Variants in ITPR2 observed in about 807,000 individuals in gnomAD.
The protein encoded by ITPR2 is inositol 1,4,5-trisphosphate-gated calcium channel ITPR2.
A neutral mutation model predicts 317.1 loss-of-function variants in ITPR2; 207 were observed. The ratio of observed to expected loss-of-function variants is 0.65; its 90% CI spans 0.58 to 0.73. The LOEUF is 0.73. Among genes scored for constraint, ITPR2 ranks in the 30% least tolerant of loss-of-function variants. ITPR2 has a pLI of 0.00. For missense variants in ITPR2, 2,613 were observed against 3,284.0 expected, an observed-to-expected ratio of 0.80 and a Z score of 4.99; for synonymous variants, 1,156 against 1,149.1, an observed-to-expected ratio of 1.01 and a Z score of -0.12.
At chr12:26,342,695 C>T (rs1317150089) in intron 55 of ITPR2, among the ~76,000 whole-genome samples, 1 of 152,076 alleles carries the variant, frequency 6.6e-6, no homozygotes, top group Admixed American at 6.5e-5. Flanking sequence ...CCACAACCTC[C>T]GCCCCCTGGA....
chr12:26,670,195 T>C (rs947166958), intron 13 of ITPR2, among the ~76,000 whole-genome samples: 1 of 152,102 alleles, frequency 6.6e-6, no homozygotes, highest in Non-Finnish European at 1.5e-5. Flanking sequence ...GAAGAGAGCA[T>C]TGGTTCTCCC....
intron 10 of ITPR2, among the ~76,000 whole-genome samples, chr12:26,692,171 TCC>T (rs1948253447): frequency 6.6e-6 from 1 of 152,142 alleles, no homozygotes; most frequent in African/African-American, 2.4e-5. Flanking sequence ...TCCACAAAGT[TCC>T]CTGGTTCCTG....
intron 55 of ITPR2, among the ~76,000 whole-genome samples, chr12:26,344,962 CTG>C (rs1938256567): frequency 6.6e-6 from 1 of 152,042 alleles, no homozygotes; most frequent in Non-Finnish European, 1.5e-5. Context: ...TTGTATCTGT[CTG>C]TGTTTTGGTT....
intron 26 of ITPR2, among the ~76,000 whole-genome samples, chr12:26,618,671 A>T (rs991676409): frequency 2.6e-5 from 4 of 152,216 alleles, no homozygotes; most frequent in Non-Finnish European, 1.5e-5. Flanking sequence ...TCTCCCAAAC[A>T]TGTGCACCAG....
chr12:26,722,418 T>C lies in ITPR2; in HGVS notation c.504A>G (p.Lys168=). 6.2e-7 allele frequency: 1 copy of C among 1,611,130 alleles called. No homozygotes were observed. Among genetic ancestry groups the C allele is most frequent in the Non-Finnish European group, 8.5e-7 (1 of 1,178,446 alleles). Residue 168 remains lysine, a synonymous_variant, in exon 5 of 57, where the codon AAA becomes AAG. Coordinates refer to ENST00000381340, the MANE Select transcript of ITPR2 (RefSeq NM_002223.4). ...GSWFYIHPFW[K]LRSEGDNIVV... is the part of the protein sequence containing the mutation. ...ATACATTGTCACCCTCGCTTCTCAG[T>C]TTCCAGAACGGATGAATATAAAACC...
At position 26,638,536 on chromosome 12, in the gene ITPR2, T is replaced by C. The variant is rs375338307; in HGVS notation, c.2741-6477A>G. On this transcript the variant is annotated intron_variant, in intron 21 of 56. Transcript: ENST00000381340. ...CTTGATTTCTCACACCACAGACACA[T>C]GTATTGGCTAATGTAGAGTTTCATA... 1.4e-4 allele frequency among the ~76,000 whole-genome samples: 22 copies of C among 152,272 alleles called. No individual in the cohort carries two copies. In the East Asian group the frequency reaches 3.5e-3, roughly 24 times the overall value.
intron 37 of ITPR2, among the ~76,000 whole-genome samples, chr12:26,533,542 C>T (rs1168023024): frequency 6.6e-6 from 1 of 152,148 alleles, no homozygotes; most frequent in Non-Finnish European, 1.5e-5. Flanking sequence ...TAACCTGCAA[C>T]ACCTTAGAAT....
intron 43 of ITPR2, among the ~76,000 whole-genome samples, 155 bp downstream of exon 43, chr12:26,480,975 CA>C (rs1359552921): frequency 6.6e-6 from 1 of 152,226 alleles, no homozygotes; most frequent in African/African-American, 2.4e-5. Flanking sequence ...GCTAACTTCA[CA>C]TTGCATCTGG....
At chr12:26,525,228 T>A (rs909840421) in intron 37 of ITPR2, among the ~76,000 whole-genome samples, 9 of 152,210 alleles carry the variant, frequency 5.9e-5, no homozygotes, top group African/African-American at 2.2e-4. Flanking sequence ...TACTCTAATA[T>A]CCCTGCCAAA....
chr12:26,556,953 C>T (rs1272649736), intron 35 of ITPR2, among the ~76,000 whole-genome samples: 3 of 151,856 alleles, frequency 2.0e-5, no homozygotes, highest in African/African-American at 2.4e-5. Context: ...GTGGCATGCG[C>T]GTGTGGTCCC....
intron 21 of ITPR2, among the ~76,000 whole-genome samples, chr12:26,641,319 C>T (rs1156328352): frequency 2.0e-5 from 3 of 151,784 alleles, no homozygotes; most frequent in Non-Finnish European, 4.4e-5. Context: ...ATATGTACTA[C>T]ATTGTGCTGA....
intron 49 of ITPR2, among the ~76,000 whole-genome samples, chr12:26,424,076 C>A (rs1358481557): frequency 1.3e-5 from 2 of 152,134 alleles, no homozygotes; most frequent in African/African-American, 4.8e-5. Context: ...TCCCCAAGAA[C>A]CAAAACACAA....
intron 45 of ITPR2, among the ~76,000 whole-genome samples, chr12:26,444,425 C>T (rs1941560504): frequency 6.6e-6 from 1 of 152,092 alleles, no homozygotes; most frequent in South Asian, 2.1e-4. Context: ...TCCCTGAGGG[C>T]TTCTACTAAC....
intron 55 of ITPR2, among the ~76,000 whole-genome samples, chr12:26,362,995 C>T (rs1477341948): frequency 3.9e-5 from 6 of 152,322 alleles, no homozygotes; most frequent in South Asian, 2.1e-4. Context: ...TCACGAGTCA[C>T]GTAGATCAGG....
At chr12:26,384,546 A>T in intron 55 of ITPR2, among the ~76,000 whole-genome samples, 1 of 152,188 alleles carries the variant, frequency 6.6e-6, no homozygotes, top group Non-Finnish European at 1.5e-5. Flanking sequence ...GCTGGGGAGA[A>T]ACATGGATAA....
intron 52 of ITPR2, among the ~76,000 whole-genome samples, chr12:26,410,969 G>C (rs955116528): frequency 6.6e-6 from 1 of 152,096 alleles, no homozygotes; most frequent in Non-Finnish European, 1.5e-5. Context: ...CAAGTCTTTT[G>C]AATTATAAGC....
intron 51 of ITPR2, among the ~76,000 whole-genome samples, chr12:26,411,968 T>C (rs1265393439): frequency 6.6e-6 from 1 of 152,232 alleles, no homozygotes; most frequent in Admixed American, 6.5e-5. Flanking sequence ...GCTTCCTGGC[T>C]CACCACCTAT....
intron 55 of ITPR2, among the ~76,000 whole-genome samples, chr12:26,360,581 A>C (rs963339098): frequency 6.6e-6 from 1 of 152,202 alleles, no homozygotes; most frequent in Non-Finnish European, 1.5e-5. Context: ...TTAACTTCAG[A>C]GCTGACAAGG....
chr12:26,627,047 T>C lies in ITPR2; in HGVS notation c.3064+986A>G, dbSNP rs1946637084. ...CAATCATAACTGTGCTCTTTTGTTA[T>C]GCTCCAGTGCTCAGAGATAAATTAG... On this transcript the variant is annotated intron_variant, in intron 23 of 56. Transcript: ENST00000381340. Among the ~76,000 whole-genome samples the C allele has an allele frequency of 2.6e-5, 4 of 152,264 alleles. No individual in the cohort carries two copies. The South Asian group carries it at 8.3e-4, about 31-fold the overall frequency.
Sources: allele counts gnomAD v4.1 joint callset (sites outside exome capture counted in the v4.1 genomes callset), GRCh38; gene constraint gnomAD v4.1.1; transcripts MANE v1.5; gene names NCBI Gene and HGNC (gene_info 2026-07-23, HGNC 2026-07-21).